Variants in LIMK2 observed in about 807,000 individuals in gnomAD.
LIMK2 encodes the protein LIM domain kinase 2.
LIMK2 carries 35 observed loss-of-function variants against 75.7 expected under a neutral mutation model. The ratio of observed to expected loss-of-function variants is 0.46; its 90% CI spans 0.35 to 0.61. The LOEUF (loss-of-function observed/expected upper bound fraction) is 0.61, where lower values mean the gene tolerates loss of function less well. Ranked by LOEUF, LIMK2 falls within the 20% of genes least tolerant of loss-of-function variation. LIMK2 has a pLI of 0.00. For missense variants in LIMK2, 623 were observed against 831.0 expected (o/e 0.75, Z 3.08); for synonymous variants, 301 against 319.2 (o/e 0.94, Z 0.61).
chr22:31,276,391 C>T (rs2049015940), intron 15 of LIMK2, among the ~76,000 whole-genome samples: 1 of 152,080 alleles, frequency 6.6e-6, no homozygotes, highest in Non-Finnish European at 1.5e-5. Flanking sequence ...TCCACCCTCC[C>T]AGGATAACCA....
At chr22:31,220,573 G>A (rs1231457670) in intron 1 of LIMK2, among the ~76,000 whole-genome samples, 2 of 152,194 alleles carry the variant, frequency 1.3e-5, no homozygotes, top group African/African-American at 2.4e-5. Flanking sequence ...AACATATGCA[G>A]TGAACTGTAA....
chr22:31,262,477 A>G lies in LIMK2; in HGVS notation c.658-118A>G, dbSNP rs2048850629. 5 of 1,044,810 alleles carry G rather than the reference A, an allele frequency of 4.8e-6. No individual in the cohort carries two copies. In the South Asian group the frequency reaches 7.5e-5, roughly 16 times the overall value. 64.7% of individuals were successfully genotyped at this position (1,044,810 alleles called of 1,614,324 possible). A position where few individuals can be genotyped will look rare whatever the true frequency, so the allele number is the denominator to read the frequency against. The stretch of plus-strand genomic sequence containing the variant: ...GGGCACTGTGAGGCCACTGGCAGCT[A>G]AAGGCCACCATTAGACAAGTTGAGC... On this transcript the variant is annotated intron_variant, in intron 6 of 15. Transcript: ENST00000331728. This position sits in a 1 kb window ranked among gnomAD's most constrained non-coding sequence, Gnocchi z 5.0.
intron 8 of LIMK2, 76 bp downstream of exon 8, chr22:31,266,208 C>G: frequency 7.0e-7 from 1 of 1,433,134 alleles, no homozygotes; most frequent in Non-Finnish European, 9.7e-7. Context: ...TTTCTCATCA[C>G]TTGGCCCCAC....
At chr22:31,261,853 G>A (rs1425320881) in intron 5 of LIMK2, among the ~76,000 whole-genome samples, 3 of 152,214 alleles carry the variant, frequency 2.0e-5, no homozygotes, top group Non-Finnish European at 4.4e-5. Context: ...TACAATGATG[G>A]AAAGAAGGCA....
At chr22:31,266,324 G>T (rs1303614504) in intron 8 of LIMK2, among the ~76,000 whole-genome samples, 192 bp downstream of exon 8, 5 of 152,178 alleles carry the variant, frequency 3.3e-5, no homozygotes, top group Non-Finnish European at 7.3e-5. Flanking sequence ...TGCTGTTACA[G>T]TGAGCTTGTG....
At chr22:31,234,482 G>A (rs1393594098) in intron 2 of LIMK2, among the ~76,000 whole-genome samples, 1 of 151,214 alleles carries the variant, frequency 6.6e-6, no homozygotes, top group Non-Finnish European at 1.5e-5. Flanking sequence ...CAGCACTTTG[G>A]GAGGCCGAGG....
At chr22:31,244,869 T>C (rs918856295) in intron 2 of LIMK2, among the ~76,000 whole-genome samples, 1 of 152,234 alleles carries the variant, frequency 6.6e-6, no homozygotes, top group Non-Finnish European at 1.5e-5. Flanking sequence ...AGCTTTGGTA[T>C]AGCATGGTAG....
At chr22:31,254,274 C>A (rs1029994524) in intron 2 of LIMK2, among the ~76,000 whole-genome samples, 1 of 152,196 alleles carries the variant, frequency 6.6e-6, no homozygotes, top group Non-Finnish European at 1.5e-5. Flanking sequence ...CCATGCCCTG[C>A]GGCGCACATA....
intron 2 of LIMK2, among the ~76,000 whole-genome samples, chr22:31,257,191 G>A (rs1401062959): frequency 2.0e-5 from 3 of 151,378 alleles, no homozygotes; most frequent in Non-Finnish European, 4.4e-5. Context: ...CCCGCCCAGC[G>A]AGCTATGGAT....
At chr22:31,226,782 G>A (rs535782954) in intron 2 of LIMK2, among the ~76,000 whole-genome samples, 22 of 152,184 alleles carry the variant, frequency 1.4e-4, no homozygotes, top group African/African-American at 5.1e-4. Context: ...GCTAATTTTT[G>A]TATTTTTAGT....
chr22:31,262,615 G>T lies in LIMK2; in HGVS notation c.678G>T (p.Gln226His). The T allele has an allele frequency of 6.2e-7, 1 of 1,613,156 alleles. No homozygotes were observed. The highest frequency in any genetic ancestry group is 1.1e-5 in the South Asian group (1 of 90,942). ...CACAGGTGGAGGATGCAATTAGCCAGACGAGCCAGACACTTCAGCTGTTGA... is the reference window on the plus strand; with the variant it reads ...CACAGGTGGAGGATGCAATTAGCCATACGAGCCAGACACTTCAGCTGTTGA... ...RVEEVEDAIS[Q>H]TSQTLQLLIE... Residue 226 changes from glutamine (Q) to histidine (H), a missense_variant, in exon 7 of 16, where the codon CAG (glutamine) becomes CAT (histidine). Physicochemically the swap from Gln to His is conservative, Grantham distance 24. Around this residue, in one of 3 missense-constraint regions of LIMK2, gnomAD observed 514 missense variants for 661.3 expected, o/e 0.78. Transcript: ENST00000331728. This position sits in a 1 kb window ranked among gnomAD's most constrained non-coding sequence, Gnocchi z 5.0.
At chr22:31,247,405 CCCCATTTTT>C (rs1194297741) in intron 2 of LIMK2, among the ~76,000 whole-genome samples, 1 of 152,104 alleles carries the variant, frequency 6.6e-6, no homozygotes, top group Non-Finnish European at 1.5e-5. Flanking sequence ...CTCCCTCATG[CCCCATTTTT>C]CAGTTTGAAA....
At chr22:31,246,310 A>C (rs756584067) in intron 2 of LIMK2, among the ~76,000 whole-genome samples, 42 of 151,248 alleles carry the variant, frequency 2.8e-4, no homozygotes, top group Non-Finnish European at 4.7e-4. Flanking sequence ...ACTACAATGA[A>C]CCATGTTTAT....
intron 2 of LIMK2, 50 bp from the exon 3 acceptor site, chr22:31,258,241 G>A (rs749578308): frequency 1.3e-6 from 2 of 1,542,740 alleles, no homozygotes; most frequent in Non-Finnish European, 1.8e-6. Context: ...AGCTTATGTG[G>A]CCTGGTTCCA....
intron 1 of LIMK2, among the ~76,000 whole-genome samples, chr22:31,213,605 C>G (rs752752404): frequency 6.6e-6 from 1 of 152,080 alleles, no homozygotes; most frequent in Non-Finnish European, 1.5e-5. Context: ...GTGGAAATGC[C>G]TAAAACAAAT....
At chr22:31,273,589 A>G (rs2048980854) in intron 14 of LIMK2, 82 bp downstream of exon 14, 1 of 1,077,480 alleles carries the variant, frequency 9.3e-7, no homozygotes, top group Non-Finnish European at 1.4e-6. Flanking sequence ...ATCTCCTCCT[A>G]GGGATGACTA....
At chr22:31,257,954 C>T (rs1252559784) in intron 2 of LIMK2, among the ~76,000 whole-genome samples, 1 of 152,104 alleles carries the variant, frequency 6.6e-6, no homozygotes, top group Non-Finnish European at 1.5e-5. Context: ...ACACCCTGTC[C>T]CCCACCTAAA....
At chr22:31,272,399 T>C in intron 12 of LIMK2, 131 bp from the exon 13 acceptor site, 1 of 849,046 alleles carries the variant, frequency 1.2e-6, no homozygotes, top group South Asian at 2.0e-5. Flanking sequence ...TGATAGAGCT[T>C]TCTGCTCTGA....
intron 14 of LIMK2, among the ~76,000 whole-genome samples, chr22:31,274,192 T>G (rs748840384): frequency 6.6e-6 from 1 of 151,914 alleles, no homozygotes; most frequent in East Asian, 1.9e-4. Context: ...AAGTAGCCAC[T>G]CTAGGAAGTG....
Sources: gnomAD v4.1 joint callset for allele counts (sites outside exome capture counted in the v4.1 genomes callset) on GRCh38, gnomAD v4.1.1 for gene constraint, gnomAD v4.1.1 regional missense constraint, Gnocchi (gnomAD v3.1) non-coding constraint, MANE v1.5 for transcripts, NCBI Gene and HGNC (gene_info 2026-07-23, HGNC 2026-07-21) for gene names.